SEMA3A: variants seen among roughly 807,000 people sequenced by gnomAD.
SEMA3A encodes semaphorin 3A.
Under a neutral mutation model 97.9 loss-of-function variants are expected in SEMA3A, and 29 were observed. The ratio of observed to expected loss-of-function variants is 0.30; its 90% CI spans 0.22 to 0.40. The LOEUF (loss-of-function observed/expected upper bound fraction) is 0.40, where lower values mean the gene tolerates loss of function less well. SEMA3A is among the 10% of genes least tolerant of loss of function. SEMA3A has a pLI of 1.00. For missense variants in SEMA3A, 763 were observed against 951.3 expected, an observed-to-expected ratio of 0.80 and a Z score of 2.60; for synonymous variants, 321 against 323.7, an observed-to-expected ratio of 0.99 and a Z score of 0.09.
At chr7:84,295,965 C>T (rs1584212207) in intron 3 of SEMA3A, among the ~76,000 whole-genome samples, 1 of 151,996 alleles carries the variant, frequency 6.6e-6, no homozygotes, top group East Asian at 1.9e-4. Context: ...TTAGAAGCAG[C>T]AAGAAATCAT....
intron 1 of SEMA3A, among the ~76,000 whole-genome samples, chr7:84,183,359 G>A (rs568408565): frequency 6.6e-6 from 1 of 152,098 alleles, no homozygotes; most frequent in Non-Finnish European, 1.5e-5. Flanking sequence ...ATTTTCAATA[G>A]GCCAACAAGT....
At chr7:84,227,873 T>C (rs1799025026) in intron 3 of SEMA3A, among the ~76,000 whole-genome samples, 2 of 151,492 alleles carry the variant, frequency 1.3e-5, no homozygotes, top group African/African-American at 2.4e-5. Context: ...TGGTAGATGA[T>C]GTAAATGATG....
At chr7:84,363,780 T>C (rs1802781510) in intron 2 of SEMA3A, among the ~76,000 whole-genome samples, 1 of 151,922 alleles carries the variant, frequency 6.6e-6, no homozygotes, top group Non-Finnish European at 1.5e-5. Flanking sequence ...CCAATCTTTC[T>C]CATAGTGTGA....
At chr7:84,189,309 A>C (rs1024306661) in intron 1 of SEMA3A, among the ~76,000 whole-genome samples, 1 of 151,876 alleles carries the variant, frequency 6.6e-6, no homozygotes, top group Admixed American at 6.6e-5. Flanking sequence ...TAGTTGATTA[A>C]TATGTAACTC....
At chr7:84,422,149 G>GC (rs1160250472) in intron 1 of SEMA3A, among the ~76,000 whole-genome samples, 1 of 151,776 alleles carries the variant, frequency 6.6e-6, no homozygotes, top group African/African-American at 2.4e-5. Context: ...CTGGTCCTGG[G>GC]CTTTTTTTTG....
At chr7:84,440,218 T>C (rs1805238662) in intron 1 of SEMA3A, among the ~76,000 whole-genome samples, 1 of 152,222 alleles carries the variant, frequency 6.6e-6, no homozygotes, top group Admixed American at 6.5e-5. Flanking sequence ...AGTCCGTTGA[T>C]GGCTTACATC....
chr7:83,989,145 T>TA (rs1315449601), intron 12 of SEMA3A, among the ~76,000 whole-genome samples: 3 of 152,136 alleles, frequency 2.0e-5, no homozygotes, highest in Non-Finnish European at 2.9e-5. Context: ...TTTCATGACA[T>TA]AAAGTTTACA....
intron 12 of SEMA3A, among the ~76,000 whole-genome samples, chr7:83,987,231 T>C (rs1789672246): frequency 6.6e-6 from 1 of 151,624 alleles, no homozygotes; most frequent in Admixed American, 6.6e-5. Context: ...GGGGCAAGAG[T>C]AAAAAATTGA....
At chr7:84,222,713 TA>T (rs2116339641) in intron 3 of SEMA3A, among the ~76,000 whole-genome samples, 1 of 152,040 alleles carries the variant, frequency 6.6e-6, no homozygotes, top group South Asian at 2.1e-4. Context: ...CAGAAATGTT[TA>T]TTGATCCTAA....
At position 84,063,787 on chromosome 7, in the gene SEMA3A, G is replaced by A. The variant is rs1330226753; in HGVS notation, c.454-3229C>T. Among the ~76,000 whole-genome samples, 130 of 149,420 alleles carry A rather than the reference G, an allele frequency of 8.7e-4. 1 individual carries two copies. Among genetic ancestry groups the A allele is most frequent in the South Asian group, 5.5e-3 (25 of 4,578 alleles). On this transcript the variant is annotated intron_variant, in intron 4 of 16. Transcript: ENST00000265362. Reference sequence around the variant, plus strand: ...GACTATGTGAAAAGACCAAATCTACGTCTGATTGGTGTACCTGAAAGTGAT... The same window carrying A: ...GACTATGTGAAAAGACCAAATCTACATCTGATTGGTGTACCTGAAAGTGAT...
rs1458087022 is a variant in SEMA3A, at chr7:84,080,767, T to C, written c.454-20209A>G. On this transcript the variant is annotated intron_variant, in intron 4 of 16. Coordinates refer to ENST00000265362, the MANE Select transcript of SEMA3A (RefSeq NM_006080.3). ...TTTTGTATTTTTAGTAGAGACGGGG[T>C]TTCACCGTTTTAGCCGGGATGGTCT... Among the ~76,000 whole-genome samples, 2 of 19,814 alleles carry C rather than the reference T, an allele frequency of 1.0e-4. 1 individual carries two copies. Among genetic ancestry groups the C allele is most frequent in the Non-Finnish European group, 1.8e-4 (2 of 11,258 alleles). The allele number at this position is 19,814 out of a possible 152,430, so 13.0% of individuals were successfully genotyped here.
rs200981195 is a variant in SEMA3A at position 84,127,951 on chromosome 7, CATAAAATTAT to C, written c.333+1162_333+1171del. On this transcript the variant is annotated intron_variant, in intron 3 of 16. Transcript: ENST00000265362. ...TAAACATCCCCAAATATCAGTTAAA[CATAAAATTAT>C]ATAAAATTATATATTTTTAAAATTC... Among the ~76,000 whole-genome samples the C allele has an allele frequency of 6.8e-3, 1,041 of 152,094 alleles. 10 individuals carry two copies. Among genetic ancestry groups the C allele is most frequent in the African/African-American group, 0.024 (997 of 41,528 alleles).
At chr7:84,132,318 G>T (rs1795985017) in intron 2 of SEMA3A, among the ~76,000 whole-genome samples, 1 of 152,062 alleles carries the variant, frequency 6.6e-6, no homozygotes, top group African/African-American at 2.4e-5. Flanking sequence ...ATTATTTTAA[G>T]ATAGTTCATT....
chr7:84,406,031 C>G (rs972613000), intron 1 of SEMA3A, among the ~76,000 whole-genome samples: 1 of 151,624 alleles, frequency 6.6e-6, no homozygotes. Context: ...TAGCAGAAGG[C>G]GAGAAATAAC....
At chr7:84,159,942 G>C (rs143067736) in intron 1 of SEMA3A, among the ~76,000 whole-genome samples, 64 of 152,200 alleles carry the variant, frequency 4.2e-4, no homozygotes, top group Non-Finnish European at 8.1e-4. Context: ...TGAAACCAGT[G>C]TGAACAAGAG....
chr7:84,051,302 G>C (rs1792636559), intron 5 of SEMA3A, among the ~76,000 whole-genome samples: 1 of 152,250 alleles, frequency 6.6e-6, no homozygotes, highest in East Asian at 1.9e-4. Flanking sequence ...ACCTTGGGCA[G>C]TATGGCCATT....
chr7:84,390,335 AATTATTATTATT>A (rs71078827), intron 1 of SEMA3A, among the ~76,000 whole-genome samples: 4 of 143,668 alleles, frequency 2.8e-5, no homozygotes, highest in African/African-American at 5.1e-5. Context: ...GATATTCAAG[AATTATTATTATT>A]ATTATTATTA....
Position 84,194,757 on chromosome 7 carries a change from A to C in SEMA3A, c.-171T>G. On this transcript the variant is annotated 5_prime_UTR_variant, in exon 1 of 17. Transcript: ENST00000265362. Reference sequence around the variant, plus strand: ...CAACACTAACACCTCTTCTTCTGTAACAGTCACTGAAGCACAGAAACTTCA... The same window carrying C: ...CAACACTAACACCTCTTCTTCTGTACCAGTCACTGAAGCACAGAAACTTCA... The C allele has an allele frequency of 2.3e-6, 1 of 429,856 alleles. No homozygotes were observed. The allele number at this position is 429,856 out of a possible 1,614,324, so 26.6% of individuals were successfully genotyped here. A position where few individuals can be genotyped will look rare whatever the true frequency, so the allele number is the denominator to read the frequency against.
At chr7:84,375,370 A>G (rs957948288) in intron 1 of SEMA3A, among the ~76,000 whole-genome samples, 1 of 152,146 alleles carries the variant, frequency 6.6e-6, no homozygotes, top group African/African-American at 2.4e-5. Context: ...ACCAAGCTCC[A>G]TTCATTGTTC....
Sources: allele counts gnomAD v4.1 joint callset (sites outside exome capture counted in the v4.1 genomes callset), GRCh38; gene constraint gnomAD v4.1.1; transcripts MANE v1.5; gene names NCBI Gene and HGNC (gene_info 2026-07-23, HGNC 2026-07-21).